The following RHAG variants were observed in gnomAD, a reference collection of about 807,000 sequenced individuals.
The protein encoded by RHAG is ammonium transporter Rh type A.
In RHAG, 25 loss-of-function variants were observed where a neutral mutation model predicts 42.4. The ratio of observed to expected loss-of-function variants is 0.59; its 90% confidence interval spans 0.43 to 0.82. RHAG has a LOEUF of 0.82. Ranked by LOEUF, RHAG falls within the 40% of genes least tolerant of loss-of-function variation. RHAG has a pLI of 0.00. For missense variants in RHAG, 483 were observed against 504.6 expected, an observed-to-expected ratio of 0.96 and a Z score of 0.41; for synonymous variants, 182 against 177.7, an observed-to-expected ratio of 1.02 and a Z score of -0.19.
intron 5 of RHAG, 112 bp from the exon 6 acceptor site, chr6:49,612,646 C>T: frequency 4.0e-6 from 5 of 1,241,012 alleles, no homozygotes; most frequent in Non-Finnish European, 5.8e-6. Flanking sequence ...GTTGAAAGGG[C>T]TATTGGTTCT....
At chr6:49,619,135 A>G in intron 2 of RHAG, 44 bp downstream of exon 2, 1 of 1,601,288 alleles carries the variant, frequency 6.2e-7, no homozygotes, top group Non-Finnish European at 8.6e-7. Flanking sequence ...TAATATATGA[A>G]TTCTGGAGGA....
chr6:49,623,316 T>G (rs1422106422), intron 1 of RHAG, among the ~76,000 whole-genome samples: 1 of 152,164 alleles, frequency 6.6e-6, no homozygotes, highest in South Asian at 2.1e-4. Flanking sequence ...AGATAATGAT[T>G]CCGTGTGAAA....
chr6:49,634,244 T>C (rs1299108526), intron 1 of RHAG, among the ~76,000 whole-genome samples: 1 of 152,090 alleles, frequency 6.6e-6, no homozygotes, highest in East Asian at 1.9e-4. Context: ...AACTGTATAT[T>C]TGTAGCCATT....
At chr6:49,613,290 G>A (rs1581939227) in intron 5 of RHAG, among the ~76,000 whole-genome samples, 1 of 152,076 alleles carries the variant, frequency 6.6e-6, no homozygotes, top group Admixed American at 6.6e-5. Context: ...GGCTGTTCTG[G>A]AATGCCTGAC....
At chr6:49,617,485 T>C (rs1405660272) in intron 3 of RHAG, among the ~76,000 whole-genome samples, 3 of 143,588 alleles carry the variant, frequency 2.1e-5, no homozygotes, top group Non-Finnish European at 4.8e-5. Context: ...TTGTTTGTCA[T>C]TGAGTCCCCA....
At chr6:49,615,172 G>A (rs1045264756) in intron 4 of RHAG, 4 of 305,070 alleles carry the variant, frequency 1.3e-5, no homozygotes, top group Non-Finnish European at 2.5e-5. Context: ...GGCTGGTCTC[G>A]AACTCCTGAC....
chr6:49,635,366 G>A (rs1212247055), intron 1 of RHAG, among the ~76,000 whole-genome samples: 1 of 151,966 alleles, frequency 6.6e-6, no homozygotes, highest in Non-Finnish European at 1.5e-5. Flanking sequence ...TTGTTTACAA[G>A]TGTATCAGAT....
intron 1 of RHAG, among the ~76,000 whole-genome samples, chr6:49,624,502 G>T (rs1465988092): frequency 6.6e-6 from 1 of 152,186 alleles, no homozygotes; most frequent in Non-Finnish European, 1.5e-5. Context: ...ACTGTGCCTG[G>T]CATCTTTCAC....
chr6:49,609,263 A>T (rs902139434), intron 7 of RHAG, among the ~76,000 whole-genome samples: 4 of 151,772 alleles, frequency 2.6e-5, no homozygotes, highest in Non-Finnish European at 5.9e-5. Flanking sequence ...TACCCCCACC[A>T]ACGAATAAAT....
rs1204434015 is a variant in RHAG at position 49,618,233 on chromosome 6, G to T, written c.342-15C>A. 3 of 1,613,974 alleles carry T rather than the reference G, an allele frequency of 1.9e-6. No homozygotes were observed. In the Admixed American group the frequency reaches 5.0e-5, roughly 27 times the overall value. On this transcript the variant is annotated splice_polypyrimidine_tract_variant and intron_variant, in intron 2 of 9. Coordinates refer to ENST00000371175, the MANE Select transcript of RHAG (RefSeq NM_000324.3). ...CATTTATCATGCTGAAGGGAAACAA[G>T]AATAAATTGAAGAGTAATGCACACC...
intron 1 of RHAG, among the ~76,000 whole-genome samples, chr6:49,620,407 A>G (rs1581944589): frequency 6.6e-6 from 1 of 152,200 alleles, no homozygotes; most frequent in African/African-American, 2.4e-5. Context: ...TGGATAAACC[A>G]TATATGAGAT....
At chr6:49,610,125 G>A (rs971833998) in intron 7 of RHAG, among the ~76,000 whole-genome samples, 13 of 151,598 alleles carry the variant, frequency 8.6e-5, no homozygotes, top group East Asian at 5.8e-4. Context: ...TGCACACGGG[G>A]CTTAAAACCT....
rs1424679215 is a variant in RHAG, at chr6:49,614,775, A to G, written c.719T>C (p.Ile240Thr). The change falls in exon 5 of 10, where the codon ATT becomes ACT. Residue 240 changes from isoleucine (I) to threonine (T), a missense_variant. Physicochemically the swap from Ile to Thr is moderately conservative, Grantham distance 89. Coordinates refer to ENST00000371175, the MANE Select transcript of RHAG (RefSeq NM_000324.3). ...AGCGAGAGAGAAGTACGTGTTTACA[A>G]TGGCCCTGCACTGTTTGTCTCCAGG... ...AEPGDKQCRA[I>T]VNTYFSLAAC... 4 of 1,614,000 alleles carry G rather than the reference A, an allele frequency of 2.5e-6. No homozygotes were observed. Among genetic ancestry groups the G allele is most frequent in the East Asian group, 4.5e-5 (2 of 44,878 alleles).
chr6:49,631,822 T>C (rs528591280), intron 1 of RHAG: 1 of 152,226 alleles, frequency 6.6e-6, no homozygotes, highest in Non-Finnish European at 1.5e-5. Flanking sequence ...TTACAGACAG[T>C]ATATTAATTC....
At chr6:49,628,157 C>G (rs866856915) in intron 1 of RHAG, among the ~76,000 whole-genome samples, 2 of 119,662 alleles carry the variant, frequency 1.7e-5, no homozygotes, top group South Asian at 5.9e-4. Flanking sequence ...CACACACACA[C>G]ACACAGAGAG....
chr6:49,617,018 C>A (rs1479385172), intron 3 of RHAG, among the ~76,000 whole-genome samples: 1 of 152,166 alleles, frequency 6.6e-6, no homozygotes, highest in African/African-American at 2.4e-5. Flanking sequence ...CCTTTGGGAC[C>A]ATCAAATAAG....
intron 1 of RHAG, among the ~76,000 whole-genome samples, chr6:49,623,714 A>G (rs992795258): frequency 1.3e-5 from 2 of 152,228 alleles, no homozygotes; most frequent in Admixed American, 6.5e-5. Flanking sequence ...GCTGTGGTGA[A>G]TAGGACAGCT....
intron 1 of RHAG, among the ~76,000 whole-genome samples, chr6:49,625,733 C>T (rs190485310): frequency 6.6e-6 from 1 of 152,222 alleles, no homozygotes; most frequent in East Asian, 1.9e-4. Flanking sequence ...TCTTGCAAGC[C>T]CTAATGTGTT....
chr6:49,626,127 C>T (rs764450300), intron 1 of RHAG, among the ~76,000 whole-genome samples: 4 of 152,162 alleles, frequency 2.6e-5, no homozygotes, highest in Non-Finnish European at 5.9e-5. Flanking sequence ...TCCAAAATCT[C>T]ATGTTCTTGC....
Sources: allele counts gnomAD v4.1 joint callset (sites outside exome capture counted in the v4.1 genomes callset), GRCh38; gene constraint gnomAD v4.1.1; transcripts MANE v1.5; gene names NCBI Gene and HGNC (gene_info 2026-07-23, HGNC 2026-07-21).